Variants in RAB2A observed in about 807,000 individuals in gnomAD.
RAB2A encodes RAB2A, member RAS oncogene family.
RAB2A carries 7 observed loss-of-function variants against 32.5 expected under a neutral mutation model. The observed-to-expected ratio is 0.22, with a 90% CI of 0.12 to 0.40. The LOEUF (loss-of-function observed/expected upper bound fraction) is 0.40, where lower values mean the gene tolerates loss of function less well. Among genes scored for constraint, RAB2A ranks in the 10% least tolerant of loss-of-function variants. RAB2A has a pLI of 1.00. For missense variants in RAB2A, 108 were observed against 260.7 expected (o/e 0.41, Z 4.03); for synonymous variants, 79 against 85.2 (o/e 0.93, Z 0.40).
Position 60,572,047 on chromosome 8 carries a change from T to G in RAB2A, c.120T>G (p.Gly40=), listed in dbSNP as rs1018120586. The G allele has an allele frequency of 6.3e-7, 1 of 1,599,422 alleles. No homozygotes were observed. Among genetic ancestry groups the G allele is most frequent in the Non-Finnish European group, 8.6e-7 (1 of 1,168,288 alleles). The part of the protein sequence containing the change: ...RFQPVHDLTI[G]VEFGARMITI... ...CAAATCATTTCCTACTCTATTTAGG[T>G]GTAGAGTTCGGTGCTCGAATGATAA... The change falls in exon 3 of 8, where the codon GGT becomes GGG. Residue 40 remains glycine, a splice_region_variant and synonymous_variant. Transcript: ENST00000262646.
intron 2 of RAB2A, among the ~76,000 whole-genome samples, chr8:60,563,013 A>AT (rs770056748): frequency 8.1e-4 from 86 of 105,758 alleles, no homozygotes; most frequent in African/African-American, 2.3e-3. Flanking sequence ...TCTTTCAGAG[A>AT]TAAAAAAAAA....
At chr8:60,612,150 C>G (rs939388542) in intron 6 of RAB2A, among the ~76,000 whole-genome samples, 1 of 152,134 alleles carries the variant, frequency 6.6e-6, no homozygotes, top group African/African-American at 2.4e-5. Context: ...CCCTACAGGT[C>G]CCAGTGTGTG....
chr8:60,547,921 G>A (rs1166763900), intron 1 of RAB2A, among the ~76,000 whole-genome samples: 4 of 113,098 alleles, frequency 3.5e-5, no homozygotes, highest in Non-Finnish European at 7.3e-5. Context: ...GGCTGGCCGG[G>A]CAGAGTGGCT....
chr8:60,519,402 G>A (rs1314711929), intron 1 of RAB2A, among the ~76,000 whole-genome samples: 1 of 152,144 alleles, frequency 6.6e-6, no homozygotes, highest in African/African-American at 2.4e-5. Flanking sequence ...GGCACTGCTA[G>A]TCTCTATTCT....
chr8:60,581,715 A>G (rs570969425), intron 3 of RAB2A, among the ~76,000 whole-genome samples: 8 of 152,150 alleles, frequency 5.3e-5, no homozygotes, highest in Non-Finnish European at 1.0e-4. Context: ...CCTTCAGAAC[A>G]GTGAATTTGG....
At chr8:60,520,672 C>T (rs1270242677) in intron 1 of RAB2A, among the ~76,000 whole-genome samples, 1 of 152,196 alleles carries the variant, frequency 6.6e-6, no homozygotes, top group Non-Finnish European at 1.5e-5. Context: ...TCCTACCACT[C>T]CCTGTTGCAT....
intron 1 of RAB2A, among the ~76,000 whole-genome samples, chr8:60,524,369 G>T (rs1807347261): frequency 6.9e-6 from 1 of 143,942 alleles, no homozygotes; most frequent in African/African-American, 2.8e-5. Flanking sequence ...GCCCAGCTGT[G>T]CTTACTTCAT....
At chr8:60,551,803 C>T (rs920247003) in intron 1 of RAB2A, among the ~76,000 whole-genome samples, 4 of 151,754 alleles carry the variant, frequency 2.6e-5, no homozygotes, top group African/African-American at 9.7e-5. Flanking sequence ...AAGCAATCCT[C>T]TGTCCTTAGC....
chr8:60,590,977 G>T (rs1586101727), intron 5 of RAB2A, among the ~76,000 whole-genome samples: 3 of 152,148 alleles, frequency 2.0e-5, no homozygotes, highest in Admixed American at 2.0e-4. Context: ...TGATTCTGCT[G>T]TTGCTGATTT....
intron 2 of RAB2A, among the ~76,000 whole-genome samples, chr8:60,561,457 G>C (rs11988528): frequency 0.24 from 36,018 of 152,050 alleles, 4,320 homozygotes; most frequent in Middle Eastern, 0.39. Flanking sequence ...CCAGAGCTCA[G>C]AGCTCTTAAG....
chr8:60,571,663 T>A (rs1808199178), intron 2 of RAB2A, among the ~76,000 whole-genome samples: 2 of 152,172 alleles, frequency 1.3e-5, no homozygotes, highest in African/African-American at 2.4e-5. Context: ...ATCTATCCCT[T>A]TTAGTGTTTT....
chr8:60,597,443 G>A (rs780182438), intron 6 of RAB2A, among the ~76,000 whole-genome samples: 7 of 152,070 alleles, frequency 4.6e-5, no homozygotes, highest in African/African-American at 1.2e-4. Context: ...GGGCCTGTTG[G>A]GGGGTGGGGG....
intron 6 of RAB2A, among the ~76,000 whole-genome samples, chr8:60,618,314 G>A (rs916471526): frequency 2.0e-5 from 3 of 152,030 alleles, no homozygotes; most frequent in Admixed American, 6.5e-5. Flanking sequence ...CTTCTATTTC[G>A]ACTTGAGTGT....
intron 6 of RAB2A, among the ~76,000 whole-genome samples, chr8:60,603,965 C>T (rs140766990): frequency 1.4e-4 from 21 of 152,146 alleles, no homozygotes; most frequent in Middle Eastern, 3.4e-3. Context: ...GATCTGTGTC[C>T]CTGCCCAAAT....
chr8:60,570,719 A>C (rs1808186243), intron 2 of RAB2A, among the ~76,000 whole-genome samples: 1 of 152,154 alleles, frequency 6.6e-6, no homozygotes, highest in African/African-American at 2.4e-5. Context: ...AGAAACATAA[A>C]CATCATCTTA....
At chr8:60,581,862 T>G (rs898554414) in intron 3 of RAB2A, among the ~76,000 whole-genome samples, 8 of 151,758 alleles carry the variant, frequency 5.3e-5, no homozygotes, top group Non-Finnish European at 1.2e-4. Context: ...TAAAAAATAA[T>G]AAATTTTAAA....
At chr8:60,519,630 G>A (rs1053584339) in intron 1 of RAB2A, among the ~76,000 whole-genome samples, 2 of 152,116 alleles carry the variant, frequency 1.3e-5, no homozygotes, top group Non-Finnish European at 2.9e-5. Context: ...CTTTTCTGTT[G>A]TATAGATACT....
At chr8:60,525,894 T>A (rs570123368) in intron 1 of RAB2A, among the ~76,000 whole-genome samples, 68 of 149,088 alleles carry the variant, frequency 4.6e-4, no homozygotes, top group African/African-American at 1.0e-3. Flanking sequence ...ATATATATAT[T>A]TTTTAGTTTT....
chr8:60,558,618 C>CA lies in RAB2A; in HGVS notation c.47-233dup, dbSNP rs1241053728. On this transcript the variant is annotated intron_variant, in intron 1 of 7. Transcript: ENST00000262646. ...GAGTTTAGCTGCCATATTTATCTTT[C>CA]ACATTGAAATATTAAATGTGTAAGA... The CA allele has an allele frequency of 9.1e-6, 5 of 550,742 alleles. No homozygotes were observed. The African/African-American group carries it at 9.5e-5, about 11-fold the overall frequency. 34.1% of individuals were successfully genotyped at this position (550,742 alleles called of 1,614,324 possible).
Sources: allele counts gnomAD v4.1 joint callset (sites outside exome capture counted in the v4.1 genomes callset), GRCh38; gene constraint gnomAD v4.1.1; transcripts MANE v1.5; gene names NCBI Gene and HGNC (gene_info 2026-07-23, HGNC 2026-07-21).